Variants in SGCZ observed in about 807,000 individuals in gnomAD.
SGCZ encodes the protein sarcoglycan zeta, also known as zeta-sarcoglycan.
Under a neutral mutation model 41.3 loss-of-function variants are expected in SGCZ, and 40 were observed. The ratio of observed to expected loss-of-function variants is 0.97; its 90% CI spans 0.75 to 1.26. The LOEUF (loss-of-function observed/expected upper bound fraction) is 1.26. Among genes scored for constraint, SGCZ ranks in the 50% most tolerant of loss-of-function variants. SGCZ has a pLI of 0.00. For synonymous variants in SGCZ, 206 were observed against 137.5 expected (o/e 1.50, Z -3.49); for missense variants, 552 against 369.8 (o/e 1.49, Z -4.04).
At chr8:14,243,522 T>C (rs909970606) in intron 3 of SGCZ, among the ~76,000 whole-genome samples, 2 of 152,192 alleles carry the variant, frequency 1.3e-5, no homozygotes, top group Non-Finnish European at 1.5e-5. Flanking sequence ...TTCCTAACTC[T>C]CAGCTTGAAA....
chr8:14,887,337 T>G (rs1007697471), intron 1 of SGCZ, among the ~76,000 whole-genome samples: 1 of 152,174 alleles, frequency 6.6e-6, no homozygotes, highest in East Asian at 1.9e-4. Context: ...TTCATTGGAT[T>G]AACTTGATTC....
chr8:14,107,619 C>CT (rs1026680235), intron 6 of SGCZ, among the ~76,000 whole-genome samples: 5 of 151,854 alleles, frequency 3.3e-5, no homozygotes, highest in South Asian at 2.1e-4. Flanking sequence ...TCCAGCATTC[C>CT]TTTTTTTGTT....
chr8:14,906,608 C>A (rs997444905), intron 1 of SGCZ, among the ~76,000 whole-genome samples: 3 of 152,110 alleles, frequency 2.0e-5, no homozygotes, highest in Non-Finnish European at 4.4e-5. Context: ...TAGAAAAGAA[C>A]AAATCACTTT....
intron 1 of SGCZ, among the ~76,000 whole-genome samples, chr8:14,751,674 G>A (rs770344496): frequency 3.3e-5 from 5 of 152,024 alleles, no homozygotes; most frequent in East Asian, 3.9e-4. Flanking sequence ...TTTGCCTCCC[G>A]AGTAGCTGTG....
At position 14,117,978 on chromosome 8, in the gene SGCZ, T is replaced by A. The variant is rs183135794; in HGVS notation, c.548-9743A>T. On this transcript the variant is annotated intron_variant, in intron 5 of 7. Coordinates refer to ENST00000382080, the MANE Select transcript of SGCZ (RefSeq NM_139167.4). ...TGTGCCACATTTTCTTTATGCAGTC[T>A]ATCATTGATTGACATTTGGGTTGGT... Among the ~76,000 whole-genome samples, 485 of 151,256 alleles carry A rather than the reference T, an allele frequency of 3.2e-3. 4 individuals carry two copies. The highest frequency in any genetic ancestry group is 0.024 in the Middle Eastern group (7 of 292).
intron 1 of SGCZ, among the ~76,000 whole-genome samples, chr8:15,121,526 T>A (rs1807476672): frequency 6.6e-6 from 1 of 152,174 alleles, no homozygotes; most frequent in African/African-American, 2.4e-5. Flanking sequence ...ATAAGATGCT[T>A]ACAGTAGTCT....
chr8:14,103,510 G>GT (rs1802100951), intron 6 of SGCZ, among the ~76,000 whole-genome samples: 1 of 152,136 alleles, frequency 6.6e-6, no homozygotes, highest in Non-Finnish European at 1.5e-5. Flanking sequence ...ATTCAGAGTT[G>GT]TTTTGCAGAA....
intron 1 of SGCZ, among the ~76,000 whole-genome samples, chr8:14,729,481 G>A (rs891829494): frequency 2.6e-5 from 4 of 152,084 alleles, no homozygotes; most frequent in South Asian, 2.1e-4. Flanking sequence ...ATTTCAACAC[G>A]ACTGGTGTCT....
intron 1 of SGCZ, among the ~76,000 whole-genome samples, chr8:14,842,653 G>C (rs1389196732): frequency 6.6e-6 from 1 of 152,082 alleles, no homozygotes; most frequent in Non-Finnish European, 1.5e-5. Flanking sequence ...TTTAAGAATT[G>C]TTTTTATCTT....
intron 1 of SGCZ, among the ~76,000 whole-genome samples, chr8:14,655,056 C>A (rs1807521287): frequency 1.3e-5 from 2 of 151,918 alleles, no homozygotes; most frequent in African/African-American, 4.8e-5. Context: ...TTCCCCAGAG[C>A]AATTTTGGGT....
chr8:15,235,465 C>A (rs143583232), intron 1 of SGCZ, among the ~76,000 whole-genome samples: 2 of 152,286 alleles, frequency 1.3e-5, no homozygotes, highest in East Asian at 3.9e-4. Flanking sequence ...GCCTTCATTT[C>A]TTCCCAGTCA....
intron 1 of SGCZ, among the ~76,000 whole-genome samples, chr8:15,155,708 A>C (rs1248722429): frequency 6.6e-6 from 1 of 152,174 alleles, no homozygotes; most frequent in Non-Finnish European, 1.5e-5. Context: ...CACCATGCAA[A>C]ATTGAATATA....
chr8:15,151,632 A>T (rs1799182354), intron 1 of SGCZ, among the ~76,000 whole-genome samples: 1 of 152,238 alleles, frequency 6.6e-6, no homozygotes, highest in African/African-American at 2.4e-5. Flanking sequence ...GAAATACTTC[A>T]AACTATTTTC....
At position 14,419,524 on chromosome 8, in the gene SGCZ, C is replaced by T. The variant is rs1799583903; in HGVS notation, c.235-95320G>A. Among the ~76,000 whole-genome samples, 3 of 151,950 alleles carry T rather than the reference C, an allele frequency of 2.0e-5. No homozygotes were observed. The South Asian group carries it at 6.2e-4, about 32-fold the overall frequency. Reference sequence around the variant, plus strand: ...GAGTTTTTTTACTAAGCCATTTCATCACCTTTCTATAACTAGTCAGCAGAC... The same window carrying T: ...GAGTTTTTTTACTAAGCCATTTCATTACCTTTCTATAACTAGTCAGCAGAC... On this transcript the variant is annotated intron_variant, in intron 2 of 7. Coordinates refer to ENST00000382080, the MANE Select transcript of SGCZ (RefSeq NM_139167.4).
At chr8:14,853,474 T>G (rs182042712) in intron 1 of SGCZ, 1 of 533,114 alleles carries the variant, frequency 1.9e-6, no homozygotes, top group African/African-American at 1.9e-5. Flanking sequence ...CTGATTAATA[T>G]CCACCCAAAG....
At chr8:14,733,068 C>T (rs1312038471) in intron 1 of SGCZ, among the ~76,000 whole-genome samples, 2 of 152,118 alleles carry the variant, frequency 1.3e-5, no homozygotes, top group Non-Finnish European at 2.9e-5. Flanking sequence ...AGACAGTAAA[C>T]GACTCACCTG....
At chr8:14,304,307 A>G (rs1214698964) in intron 3 of SGCZ, among the ~76,000 whole-genome samples, 3 of 152,012 alleles carry the variant, frequency 2.0e-5, no homozygotes, top group African/African-American at 7.2e-5. Context: ...TTAAAAAATT[A>G]AAAAGGCCAG....
chr8:14,789,749 T>C (rs1260700778), intron 1 of SGCZ, among the ~76,000 whole-genome samples: 1 of 152,168 alleles, frequency 6.6e-6, no homozygotes, highest in African/African-American at 2.4e-5. Flanking sequence ...TCTGCTTCTT[T>C]TATTGTTCTG....
chr8:15,177,794 G>C (rs1406238967), intron 1 of SGCZ, among the ~76,000 whole-genome samples: 4 of 152,094 alleles, frequency 2.6e-5, no homozygotes, highest in Non-Finnish European at 1.5e-5. Flanking sequence ...TATTCTCTGA[G>C]ACACCCTGAA....
Sources: allele counts gnomAD v4.1 joint callset (sites outside exome capture counted in the v4.1 genomes callset), GRCh38; gene constraint gnomAD v4.1.1; transcripts MANE v1.5; gene names NCBI Gene and HGNC (gene_info 2026-07-23, HGNC 2026-07-21).